The following SRFBP1 variants were observed in gnomAD, a reference collection of about 807,000 sequenced individuals.
SRFBP1 encodes serum response factor binding protein 1.
Under a neutral mutation model 45.5 loss-of-function variants are expected in SRFBP1, and 47 were observed. The observed-to-expected ratio is 1.03, with a 90% CI of 0.82 to 1.32. The LOEUF is 1.32. Among genes scored for constraint, SRFBP1 ranks in the 40% most tolerant of loss-of-function variants. The probability of loss-of-function intolerance (pLI) is 0.00; values close to 1 mark genes in which losing one functional copy is unlikely to be tolerated. For synonymous variants in SRFBP1, 203 were observed against 166.3 expected (o/e 1.22, Z -1.70); for missense variants, 621 against 484.6 (o/e 1.28, Z -2.64).
intron 2 of SRFBP1, among the ~76,000 whole-genome samples, chr5:122,068,039 A>G (rs1754345654): frequency 6.6e-6 from 1 of 152,028 alleles, no homozygotes; most frequent in South Asian, 2.1e-4. Flanking sequence ...CAATATTTCC[A>G]CTCAGAATAA....
intron 2 of SRFBP1, among the ~76,000 whole-genome samples, chr5:122,057,493 G>A (rs1234707583): frequency 6.9e-6 from 1 of 145,268 alleles, no homozygotes; most frequent in East Asian, 2.0e-4. Context: ...GTGTGTGTGT[G>A]TATGAGTGTG....
downstream of SRFBP1, among the ~76,000 whole-genome samples, chr5:122,029,019 A>T (rs1753549696): frequency 6.6e-6 from 1 of 152,034 alleles, no homozygotes; most frequent in African/African-American, 2.4e-5. Context: ...CTTTGTTAGA[A>T]TGGGTCTACA....
Position 122,027,158 on chromosome 5 carries a change from A to G in SRFBP1, c.*32A>G, listed in dbSNP as rs747071598. 2.0e-4 allele frequency: 171 copies of G among 846,692 alleles called. No individual in the cohort carries two copies. Among genetic ancestry groups the G allele is most frequent in the Non-Finnish European group, 2.7e-4 (165 of 616,196 alleles). 52.4% of individuals were successfully genotyped at this position (846,692 alleles called of 1,614,324 possible). A position where few individuals can be genotyped will look rare whatever the true frequency, so the allele number is the denominator to read the frequency against. ...CCTCTTTCTGCAAACTTTTCCATCT[A>G]AAAAAAAAAATGTTTTTTTTAAGAC... On this transcript the variant is annotated 3_prime_UTR_variant, in exon 8 of 8. Coordinates refer to ENST00000339397, the MANE Select transcript of SRFBP1 (RefSeq NM_152546.3).
intron 4 of SRFBP1, among the ~76,000 whole-genome samples, chr5:122,018,486 C>T (rs1165647218): frequency 6.6e-6 from 1 of 151,968 alleles, no homozygotes; most frequent in East Asian, 1.9e-4. Context: ...CCTGAGCAAC[C>T]AGAACAATGG....
intron 3 of SRFBP1, among the ~76,000 whole-genome samples, chr5:121,984,294 A>G (rs10519689): frequency 0.083 from 12,578 of 151,878 alleles, 831 homozygotes; most frequent in African/African-American, 0.18. Flanking sequence ...CACCAACTGC[A>G]CTAAACAGAA....
intron 4 of SRFBP1, among the ~76,000 whole-genome samples, chr5:122,016,956 C>G (rs1447253690): frequency 6.6e-6 from 1 of 152,086 alleles, no homozygotes; most frequent in Admixed American, 6.6e-5. Flanking sequence ...ATTGGCCAGG[C>G]GCGGTGGCTC....
At chr5:122,002,310 C>T (rs542765346) in intron 4 of SRFBP1, among the ~76,000 whole-genome samples, 1 of 152,280 alleles carries the variant, frequency 6.6e-6, no homozygotes, top group African/African-American at 2.4e-5. Context: ...ATCTGGATTT[C>T]ATTCTTATTC....
chr5:121,962,531 T>G (rs1247521486), intron 1 of SRFBP1, among the ~76,000 whole-genome samples: 1 of 152,266 alleles, frequency 6.6e-6, no homozygotes, highest in Admixed American at 6.5e-5. Flanking sequence ...TGAGACTGTA[T>G]GCTCAGTACT....
chr5:122,039,661 A>G (rs755566801), intron 2 of SRFBP1, among the ~76,000 whole-genome samples: 1 of 152,112 alleles, frequency 6.6e-6, no homozygotes, highest in Non-Finnish European at 1.5e-5. Context: ...GAAGATGGTG[A>G]AGTTTCTATT....
chr5:122,065,600 C>T (rs1754276808), intron 2 of SRFBP1: 1 of 152,004 alleles, frequency 6.6e-6, no homozygotes, highest in African/African-American at 2.4e-5. Context: ...CTAATTTAGA[C>T]TATATCTCAG....
intron 2 of SRFBP1, among the ~76,000 whole-genome samples, chr5:122,044,567 AT>A (rs967856805): frequency 1.5e-4 from 23 of 151,572 alleles, no homozygotes; most frequent in Non-Finnish European, 2.7e-4. Flanking sequence ...GTGAGATGGT[AT>A]TGCATTGTGG....
intron 4 of SRFBP1, among the ~76,000 whole-genome samples, chr5:121,999,027 G>C (rs76908810): frequency 0.038 from 5,808 of 152,104 alleles, 312 homozygotes; most frequent in African/African-American, 0.11. Context: ...ACATTCTTTA[G>C]ATCTTCTTGA....
intron 2 of SRFBP1, among the ~76,000 whole-genome samples, chr5:122,053,495 G>T (rs1013759735): frequency 6.6e-6 from 1 of 152,282 alleles, no homozygotes; most frequent in African/African-American, 2.4e-5. Context: ...TGGGTCCACT[G>T]GGCCAGAAGC....
intron 4 of SRFBP1, among the ~76,000 whole-genome samples, chr5:122,017,089 C>T (rs1398050792): frequency 2.0e-5 from 3 of 151,948 alleles, no homozygotes; most frequent in African/African-American, 4.8e-5. Flanking sequence ...ATCAGCTGAG[C>T]GTGGTGGCGG....
rs1754088921 is a variant in SRFBP1, at chr5:122,056,920, G to A, written n.312-18395G>A. Among the ~76,000 whole-genome samples the A allele has an allele frequency of 3.9e-5, 6 of 152,152 alleles. No homozygotes were observed. The South Asian group carries it at 1.2e-3, about 32-fold the overall frequency. ...GGAAAGAATACATGAAAATCAATGG[G>A]ATATGAAACCAGTGAAGAGGACAAT... On this transcript the variant is annotated intron_variant and non_coding_transcript_variant, in intron 2 of 2. Transcript: ENST00000504881.
chr5:121,970,003 T>A (rs79347362), intron 1 of SRFBP1, among the ~76,000 whole-genome samples: 2 of 152,110 alleles, frequency 1.3e-5, no homozygotes, highest in African/African-American at 4.8e-5. Context: ...TTTGCCAAAA[T>A]GTACTGCCAT....
At chr5:122,047,350 T>G (rs1220895014) in intron 2 of SRFBP1, among the ~76,000 whole-genome samples, 3 of 152,198 alleles carry the variant, frequency 2.0e-5, no homozygotes, top group Non-Finnish European at 4.4e-5. Flanking sequence ...AAACATCAGA[T>G]GGTTGTAGAT....
chr5:121,962,634 T>C (rs1751973564), intron 1 of SRFBP1, among the ~76,000 whole-genome samples: 1 of 152,230 alleles, frequency 6.6e-6, no homozygotes. Context: ...TCCTCAATTC[T>C]TTTTTCTGCT....
In SRFBP1 at chr5:121,969,214, G is replaced by A. The variant is rs188436793; in HGVS notation, c.37-4982G>A. Among the ~76,000 whole-genome samples the A allele has an allele frequency of 1.3e-4, 20 of 152,176 alleles. No individual in the cohort carries two copies. In the East Asian group the frequency reaches 1.4e-3, roughly 10 times the overall value. ...TGAGAAAGCTAGTTTATTAAAAAACGTGTCTAATATGCGTAATAAATGCTC... is the reference window on the plus strand; with the variant it reads ...TGAGAAAGCTAGTTTATTAAAAAACATGTCTAATATGCGTAATAAATGCTC... On this transcript the variant is annotated intron_variant, in intron 1 of 7. Coordinates refer to ENST00000339397, the MANE Select transcript of SRFBP1 (RefSeq NM_152546.3).
Sources: gnomAD v4.1 joint callset for allele counts (sites outside exome capture counted in the v4.1 genomes callset) on GRCh38, gnomAD v4.1.1 for gene constraint, MANE v1.5 for transcripts, NCBI Gene and HGNC (gene_info 2026-07-23, HGNC 2026-07-21) for gene names.